GNB5: variants seen among roughly 807,000 people sequenced by gnomAD.
GNB5 encodes the protein guanine nucleotide-binding protein subunit beta-5.
In GNB5, 37 loss-of-function variants were observed where a neutral mutation model predicts 55.3. The ratio of observed to expected loss-of-function variants is 0.67; its 90% CI spans 0.51 to 0.88. The LOEUF is 0.88. Among genes scored for constraint, GNB5 ranks in the 40% least tolerant of loss-of-function variants. The pLI is 0.00. For synonymous variants in GNB5, 219 were observed against 198.5 expected, an observed-to-expected ratio of 1.10 and a Z score of -0.87; for missense variants, 476 against 515.3, an observed-to-expected ratio of 0.92 and a Z score of 0.74.
At chr15:52,162,209 A>C (rs1029711024) in intron 3 of GNB5, among the ~76,000 whole-genome samples, 1 of 152,226 alleles carries the variant, frequency 6.6e-6, no homozygotes, top group African/African-American at 2.4e-5. Flanking sequence ...CTGTAAAATG[A>C]GGGTATTAGA....
rs1409024398 is a variant in GNB5, at chr15:52,117,534, G to C, written c.*5223C>G. 1 of 152,194 alleles carries C rather than the reference G, an allele frequency of 6.6e-6. No individual in the cohort carries two copies. Among genetic ancestry groups the C allele is most frequent in the Admixed American group, 6.5e-5 (1 of 15,278 alleles). The allele number at this position is 152,194 out of a possible 1,614,324, so 9.4% of individuals were successfully genotyped here. A position where few individuals can be genotyped will look rare whatever the true frequency, so the allele number is the denominator to read the frequency against. ...TTTTCTAATGACATGAACATATTCA[G>C]TCATTTCATTTCTTTCACTGGGGTT... On this transcript the variant is annotated 3_prime_UTR_variant, in exon 13 of 13. Coordinates refer to ENST00000261837, the MANE Select transcript of GNB5 (RefSeq NM_016194.4).
Position 52,186,676 on chromosome 15 carries a change from A to T in GNB5, c.-18-1982T>A, listed in dbSNP as rs191625324. ...GATTCAAAGAAATGAACCCCTGAAC[A>T]TAAAGATAATTGGGGGCGCTGGTCT... On this transcript the variant is annotated intron_variant, in intron 1 of 12. Coordinates refer to ENST00000261837, the MANE Select transcript of GNB5 (RefSeq NM_016194.4). 3.0e-4 allele frequency among the ~76,000 whole-genome samples: 45 copies of T among 152,332 alleles called. No individual in the cohort carries two copies. In the East Asian group the frequency reaches 8.5e-3, roughly 29 times the overall value.
chr15:52,143,559 T>C (rs1397559364), intron 6 of GNB5, among the ~76,000 whole-genome samples: 2 of 152,154 alleles, frequency 1.3e-5, no homozygotes, highest in African/African-American at 2.4e-5. Context: ...ATATAACCAA[T>C]TGACACATTT....
intron 6 of GNB5, chr15:52,144,295 C>A (rs1233103778): frequency 2.6e-5 from 4 of 152,256 alleles, no homozygotes; most frequent in African/African-American, 9.6e-5. Flanking sequence ...ATTCACTACA[C>A]ATTGCAGAAG....
chr15:52,181,593 G>T (rs1352314790), intron 2 of GNB5, among the ~76,000 whole-genome samples: 1 of 151,948 alleles, frequency 6.6e-6, no homozygotes, highest in Non-Finnish European at 1.5e-5. Flanking sequence ...TCCAGCCTGG[G>T]CAACAGAGCA....
chr15:52,126,407 T>G (rs2033431329), intron 10 of GNB5, among the ~76,000 whole-genome samples: 1 of 152,230 alleles, frequency 6.6e-6, no homozygotes, highest in Admixed American at 6.5e-5. Flanking sequence ...AAGGTCACCC[T>G]AAATCCTAGA....
At chr15:52,176,989 C>G (rs1051714347) in intron 3 of GNB5, among the ~76,000 whole-genome samples, 10 of 151,468 alleles carry the variant, frequency 6.6e-5, no homozygotes, top group African/African-American at 2.2e-4. Flanking sequence ...ATCAGATACA[C>G]CAAACACACC....
At chr15:52,143,411 A>C (rs969231488) in intron 6 of GNB5, among the ~76,000 whole-genome samples, 1 of 152,198 alleles carries the variant, frequency 6.6e-6, no homozygotes, top group African/African-American at 2.4e-5. Context: ...TAATGTTGTG[A>C]TCTTGGTTAC....
Position 52,141,174 on chromosome 15 carries a change from A to T in GNB5, c.593T>A (p.Leu198Gln). 1 of 1,614,070 alleles carries T rather than the reference A, an allele frequency of 6.2e-7. No homozygotes were observed. The highest frequency in any genetic ancestry group is 8.5e-7 in the Non-Finnish European group (1 of 1,179,918). The change falls in exon 7 of 13, where the codon CTG becomes CAG. Residue 198 changes from leucine to glutamine, a missense_variant. Physicochemically the swap from Leu to Gln is moderately radical, Grantham distance 113. Transcript: ENST00000261837. ...AGAGTTGGTGAAGCTGCAGGCCGAC[A>T]GGTAGTTGGTGTGCATAGCAACAGA... ...KKSVAMHTNY[L>Q]SACSFTNSDM... is the part of the protein sequence containing the mutation.
intron 1 of GNB5, among the ~76,000 whole-genome samples, chr15:52,187,834 A>C (rs1267439859): frequency 6.6e-6 from 1 of 152,180 alleles, no homozygotes; most frequent in Non-Finnish European, 1.5e-5. Context: ...CTGTAATCCC[A>C]GCTACTCGGG....
At chr15:52,172,987 CT>C (rs1372261026) in intron 3 of GNB5, among the ~76,000 whole-genome samples, 2 of 151,968 alleles carry the variant, frequency 1.3e-5, no homozygotes, top group Non-Finnish European at 2.9e-5. Context: ...CGTGGATTTA[CT>C]TTTCTTTCTT....
chr15:52,121,553 G>GTCAT lies in GNB5; in HGVS notation c.*1203_*1204insATGA. 1 of 151,852 alleles carries GTCAT rather than the reference G, an allele frequency of 6.6e-6. No homozygotes were observed. Among genetic ancestry groups the GTCAT allele is most frequent in the African/African-American group, 2.4e-5 (1 of 41,340 alleles). The allele number at this position is 151,852 out of a possible 1,614,324, so 9.4% of individuals were successfully genotyped here. A position where few individuals can be genotyped will look rare whatever the true frequency, so the allele number is the denominator to read the frequency against. On this transcript the variant is annotated 3_prime_UTR_variant, in exon 13 of 13. Coordinates refer to ENST00000261837, the MANE Select transcript of GNB5 (RefSeq NM_016194.4). ...AAGAGGAGCAGACGTTATTATTCAT[G>GTCAT]ACTATCAATCAATCTGCATATGTAA...
At chr15:52,186,077 C>A (rs978110214) in intron 1 of GNB5, among the ~76,000 whole-genome samples, 2 of 152,174 alleles carry the variant, frequency 1.3e-5, no homozygotes, top group African/African-American at 2.4e-5. Context: ...CCACACCTGG[C>A]CTCATCTCTT....
In GNB5 at chr15:52,149,930, AG is replaced by A. The variant is rs758826498; in HGVS notation, c.376-6del. Reference sequence around the variant, plus strand: ...CCACACGATCACCTTCCCATCCTGGAGGGAGAAGAGCAAACAGTTTAGGGGT... The same window carrying A: ...CCACACGATCACCTTCCCATCCTGGAGGAGAAGAGCAAACAGTTTAGGGGT... On this transcript the variant is annotated splice_polypyrimidine_tract_variant and splice_region_variant and intron_variant, in intron 4 of 12. Coordinates refer to ENST00000261837, the MANE Select transcript of GNB5 (RefSeq NM_016194.4). 2.3e-4 allele frequency: 369 copies of A among 1,607,820 alleles called. 1 individual carries two copies. The highest frequency in any genetic ancestry group is 3.0e-4 in the Non-Finnish European group (353 of 1,174,294).
intron 12 of GNB5, 34 bp from the exon 13 acceptor site, chr15:52,122,802 T>C (rs1482700214): frequency 5.1e-6 from 8 of 1,572,392 alleles, no homozygotes; most frequent in East Asian, 2.2e-5. Context: ...TTTTAGACCT[T>C]TGTAGTTAAC....
In GNB5 at chr15:52,154,015, G is replaced by A; in HGVS notation, c.300C>T (p.Thr100=). The A allele has an allele frequency of 6.2e-7, 1 of 1,613,938 alleles. No individual in the cohort carries two copies. The highest frequency in any genetic ancestry group is 8.5e-7 in the Non-Finnish European group (1 of 1,179,836). ...LGQFVMKTRR[T]LKGHGNKVLC... ...GGACTTTGTTCCCGTGGCCTTTGAG[G>A]GTCCTTCTGGTCTTCATGACAAACT... Residue 100 remains threonine (T), a synonymous_variant, in exon 4 of 13, where the codon ACC becomes ACT. Transcript: ENST00000261837.
chr15:52,139,621 C>T (rs904442677), intron 7 of GNB5: 9 of 279,112 alleles, frequency 3.2e-5, no homozygotes, highest in South Asian at 1.3e-4. Context: ...AAATGAAGCA[C>T]GCAGAAATTC....
intron 2 of GNB5, among the ~76,000 whole-genome samples, chr15:52,184,101 T>C (rs758817020): frequency 6.6e-5 from 10 of 152,242 alleles, no homozygotes; most frequent in Admixed American, 2.0e-4. Context: ...GCTTCTCTTT[T>C]AGCTTGATTG....
chr15:52,127,485 T>C (rs1566932481), intron 10 of GNB5, among the ~76,000 whole-genome samples: 1 of 152,136 alleles, frequency 6.6e-6, no homozygotes, highest in Non-Finnish European at 1.5e-5. Flanking sequence ...GTTATAATTA[T>C]ATTTTGTTAT....
Sources: gnomAD v4.1 joint callset for allele counts (sites outside exome capture counted in the v4.1 genomes callset) on GRCh38, gnomAD v4.1.1 for gene constraint, MANE v1.5 for transcripts, NCBI Gene and HGNC (gene_info 2026-07-23, HGNC 2026-07-21) for gene names.